WNK2: variants seen among roughly 807,000 people sequenced by gnomAD.
The protein encoded by WNK2 is WNK lysine deficient protein kinase 2, also known as serine/threonine-protein kinase WNK2.
In WNK2, 67 loss-of-function variants were observed where a neutral mutation model predicts 192.1. The observed-to-expected ratio is 0.35, with a 90% CI of 0.29 to 0.43. The LOEUF is 0.43. Among genes scored for constraint, WNK2 ranks in the 20% least tolerant of loss-of-function variants. The pLI is 1.00. For synonymous variants in WNK2, 1,439 were observed against 1,393.9 expected (o/e 1.03, Z -0.72); for missense variants, 2,698 against 3,089.7 (o/e 0.87, Z 3.01).
rs1168983706 is a variant in WNK2 at position 93,238,247 on chromosome 9, C to G, written c.1248C>G (p.Ala416=). The G allele has an allele frequency of 1.2e-6, 2 of 1,614,002 alleles. No homozygotes were observed. Among genetic ancestry groups the G allele is most frequent in the Non-Finnish European group, 1.7e-6 (2 of 1,179,896 alleles). ...YRKVTCGIKP[A]SFEKVHDPEI... The stretch of plus-strand genomic sequence containing the variant: ...CTCCCTGTCAGGGTATCAAGCCGGC[C>G]AGCTTTGAGAAAGTGCACGATCCTG... The change falls in exon 6 of 30, where the codon GCC becomes GCG. Residue 416 remains alanine, a synonymous_variant. Transcript: ENST00000427277.
Position 93,289,413 on chromosome 9 carries a change from C to T in WNK2, c.4659C>T (p.Asp1553=), listed in dbSNP as rs116858127. 114 of 1,612,934 alleles carry T rather than the reference C, an allele frequency of 7.1e-5. No individual in the cohort carries two copies. Among genetic ancestry groups the T allele is most frequent in the African/African-American group, 4.8e-4 (36 of 75,060 alleles). The change falls in exon 20 of 30, where the codon GAC becomes GAT. Residue 1553 remains aspartate (D), a synonymous_variant. Coordinates refer to ENST00000427277, the MANE Select transcript of WNK2 (RefSeq NM_006648.4). The stretch of plus-strand genomic sequence containing the variant: ...TGGACAGCACCATCAAGAGCCTGGA[C>T]GAGAAGCTGCGGACTCTGCTCTACC... The part of the protein sequence containing the change: ...GFVDSTIKSL[D]EKLRTLLYQE...
rs559351666 is a variant in WNK2, at chr9:93,303,080, A to C, written c.6214+2931A>C. On this transcript the variant is annotated intron_variant, in intron 26 of 29. Transcript: ENST00000427277. ...ACCACAGGTCTGCACCACCACACCCAGCTACTTTTTTGTATTTTTAGTAGA... is the reference window on the plus strand; with the variant it reads ...ACCACAGGTCTGCACCACCACACCCCGCTACTTTTTTGTATTTTTAGTAGA... 3.9e-5 allele frequency among the ~76,000 whole-genome samples: 6 copies of C among 152,150 alleles called. No homozygotes were observed. The South Asian group carries it at 1.2e-3, about 32-fold the overall frequency.
intron 2 of WNK2, among the ~76,000 whole-genome samples, chr9:93,211,265 T>TTCACCCACTCCTCCAC: frequency 1.0e-3 from 1 of 970 alleles, no homozygotes; most frequent in Admixed American, 0.011. Context: ...CATTCACTCA[T>TTCACCCACTCCTCCAC]TCACTCACTC....
At chr9:93,265,390 A>G (rs1321577490) in intron 16 of WNK2, among the ~76,000 whole-genome samples, 1 of 152,206 alleles carries the variant, frequency 6.6e-6, no homozygotes, top group Admixed American at 6.5e-5. Flanking sequence ...GATGAGGAAT[A>G]TGGTCAGATA....
chr9:93,309,194 C>A, intron 28 of WNK2: 1 of 926,366 alleles, frequency 1.1e-6, no homozygotes, highest in Non-Finnish European at 1.3e-6. Flanking sequence ...ATTTGTGAAT[C>A]CATCTGGGCT....
In WNK2 at chr9:93,247,674, G is replaced by T. The variant is rs1278266288; in HGVS notation, c.1674G>T (p.Val558=). ...TGCAGCCCAAGGAGCAGCAGGATGT[G>T]GGCAGCCCGGACAAGGCCAGGGGTC... ...PALQPKEQQD[V]GSPDKARGPP... Residue 558 remains valine, a synonymous_variant, in exon 8 of 30, where the codon GTG becomes GTT. Coordinates refer to ENST00000427277, the MANE Select transcript of WNK2 (RefSeq NM_006648.4). This position sits in a 1 kb window ranked among gnomAD's most constrained non-coding sequence, Gnocchi z 5.2. The T allele has an allele frequency of 6.3e-7, 1 of 1,575,992 alleles. No individual in the cohort carries two copies. The highest frequency in any genetic ancestry group is 8.6e-7 in the Non-Finnish European group (1 of 1,160,992).
At chr9:93,308,676 A>G in intron 28 of WNK2, 92 bp downstream of exon 28, 3 of 1,391,778 alleles carry the variant, frequency 2.2e-6, no homozygotes, top group Non-Finnish European at 2.9e-6. Flanking sequence ...AGGGGTGTCC[A>G]GTTAAGCTCT....
At chr9:93,213,783 C>G (rs1835212445) in intron 2 of WNK2, among the ~76,000 whole-genome samples, 2 of 151,690 alleles carry the variant, frequency 1.3e-5, no homozygotes, top group Admixed American at 6.6e-5. Context: ...GAGCAAAACT[C>G]CATCTCAAAA....
chr9:93,271,983 G>A (rs1261448204), intron 19 of WNK2, among the ~76,000 whole-genome samples: 1 of 152,206 alleles, frequency 6.6e-6, no homozygotes, highest in Non-Finnish European at 1.5e-5. Flanking sequence ...TTTTTAAAGT[G>A]TTGAAAGAAA....
intron 2 of WNK2, among the ~76,000 whole-genome samples, chr9:93,220,849 C>T (rs149843672): frequency 7.6e-4 from 115 of 152,304 alleles, no homozygotes; most frequent in African/African-American, 2.7e-3. Flanking sequence ...GTCAGCTGCA[C>T]CCTGTCATGG....
Position 93,199,903 on chromosome 9 carries a change from A to AAAAAAAAAAAAAAAAAG in WNK2, c.681+14301_681+14302insAAAAAAAAGAAAAAAAA, listed in dbSNP as rs1486588815. Among the ~76,000 whole-genome samples, 286 of 150,758 alleles carry AAAAAAAAAAAAAAAAAG rather than the reference A, an allele frequency of 1.9e-3. 3 individuals carry two copies. Among genetic ancestry groups the AAAAAAAAAAAAAAAAAG allele is most frequent in the Non-Finnish European group, 3.5e-3 (237 of 67,456 alleles). ...ACAGAGCAAGACTCTTTGTCTCAAA[A>AAAAAAAAAAAAAAAAAG]AAAAAAAAGAAAACACAAAGCTGTG... On this transcript the variant is annotated intron_variant, in intron 2 of 29. Coordinates refer to ENST00000427277, the MANE Select transcript of WNK2 (RefSeq NM_006648.4).
chr9:93,257,264 C>A lies in WNK2; in HGVS notation c.2382+125C>A. ...GACCTGTGACCTGGGGTTGGGCTGG[C>A]CAGGGAGTTGGGGCTGGGCTGGGGA... On this transcript the variant is annotated intron_variant, in intron 11 of 29. Coordinates refer to ENST00000427277, the MANE Select transcript of WNK2 (RefSeq NM_006648.4). The surrounding 1 kb of genome is among the most constrained non-coding windows in gnomAD (Gnocchi z 4.7). 9.2e-7 allele frequency: 1 copy of A among 1,089,896 alleles called. No individual in the cohort carries two copies. Among genetic ancestry groups the A allele is most frequent in the Non-Finnish European group, 1.3e-6 (1 of 775,450 alleles). The allele number at this position is 1,089,896 out of a possible 1,614,324, so 67.5% of individuals were successfully genotyped here.
chr9:93,200,589 G>A (rs750579358), intron 2 of WNK2, among the ~76,000 whole-genome samples: 1 of 152,196 alleles, frequency 6.6e-6, no homozygotes, highest in Non-Finnish European at 1.5e-5. Context: ...GTGGTTGGAC[G>A]CAGTGAACTT....
In WNK2 at chr9:93,319,061, C is replaced by T. The variant is rs766147613; in HGVS notation, c.6629-1306C>T. On this transcript the variant is annotated intron_variant, in intron 29 of 29. Coordinates refer to ENST00000427277, the MANE Select transcript of WNK2 (RefSeq NM_006648.4). The stretch of plus-strand genomic sequence containing the variant: ...GATTTCTGTTCTCTGTACTGGGCCC[C>T]CTTGCCCTGTTCCTTGAGTGAAGTG... 6.8e-6 allele frequency: 11 copies of T among 1,609,304 alleles called. No homozygotes were observed. In the African/African-American group the frequency reaches 8.0e-5, roughly 12 times the overall value.
chr9:93,298,045 C>T lies in WNK2; in HGVS notation c.5901C>T (p.Leu1967=). ...GKLLNPLVRQ[L]KVVASSTGHL... is the part of the protein sequence containing the mutation. Reference sequence around the variant, plus strand: ...TGCTAAATCCCCTGGTGCGGCAGCTCAAGGTCGTGGCCTCCAGCACAGGTC... The same window carrying T: ...TGCTAAATCCCCTGGTGCGGCAGCTTAAGGTCGTGGCCTCCAGCACAGGTC... The change falls in exon 24 of 30, where the codon CTC becomes CTT. Residue 1967 remains leucine, a synonymous_variant. Coordinates refer to ENST00000427277, the MANE Select transcript of WNK2 (RefSeq NM_006648.4). The T allele has an allele frequency of 6.4e-7, 1 of 1,551,124 alleles. No homozygotes were observed. The highest frequency in any genetic ancestry group is 1.4e-5 in the African/African-American group (1 of 73,218).
chr9:93,261,432 C>G (rs906815096), intron 12 of WNK2, among the ~76,000 whole-genome samples: 2 of 152,232 alleles, frequency 1.3e-5, no homozygotes, highest in African/African-American at 4.8e-5. Context: ...CTCTGAGGCC[C>G]TATGCACACT....
At chr9:93,291,818 C>G (rs1271633186) in intron 21 of WNK2, among the ~76,000 whole-genome samples, 2 of 152,106 alleles carry the variant, frequency 1.3e-5, no homozygotes, top group African/African-American at 2.4e-5. Context: ...TTACGGCAAC[C>G]CTGGGAAAAG....
chr9:93,190,424 T>C (rs1163808925), intron 2 of WNK2, among the ~76,000 whole-genome samples: 1 of 152,194 alleles, frequency 6.6e-6, no homozygotes. Context: ...CTGAGCTGAA[T>C]CAGGACCAGG....
chr9:93,212,815 G>C (rs1052720366), intron 2 of WNK2, among the ~76,000 whole-genome samples: 2 of 152,176 alleles, frequency 1.3e-5, no homozygotes, highest in Non-Finnish European at 2.9e-5. Context: ...TGTGGAGGAA[G>C]GGGTGTTTCT....
Sources: allele counts gnomAD v4.1 joint callset (sites outside exome capture counted in the v4.1 genomes callset), GRCh38; gene constraint gnomAD v4.1.1; non-coding constraint Gnocchi (gnomAD v3.1); transcripts MANE v1.5; gene names NCBI Gene and HGNC (gene_info 2026-07-23, HGNC 2026-07-21).